Variants in NBEA observed in about 807,000 individuals in gnomAD.
NBEA encodes lysosomal-trafficking regulator 2.
Under a neutral mutation model 343.4 loss-of-function variants are expected in NBEA, and 44 were observed. That is an observed-to-expected ratio of 0.13 (90% CI 0.10 to 0.16). NBEA has a LOEUF of 0.16. Among genes scored for constraint, NBEA ranks in the 10% least tolerant of loss-of-function variants. The probability of loss-of-function intolerance (pLI) is 1.00; values close to 1 mark genes in which losing one functional copy is unlikely to be tolerated. For synonymous variants in NBEA, 1,175 were observed against 1,238.7 expected (o/e 0.95, Z 1.08); for missense variants, 2,555 against 3,631.3 (o/e 0.70, Z 7.62).
At chr13:35,032,887 A>G (rs1477442314) in intron 1 of NBEA, among the ~76,000 whole-genome samples, 1 of 151,610 alleles carries the variant, frequency 6.6e-6, no homozygotes, top group African/African-American at 2.4e-5. Flanking sequence ...TGAGCTCCAT[A>G]TGTATTCTGG....
chr13:35,165,097 C>G, intron 24 of NBEA: 1 of 534,046 alleles, frequency 1.9e-6, no homozygotes, highest in Non-Finnish European at 3.9e-6. Context: ...TACCCACGTT[C>G]TTGTTGCCGT....
At position 35,386,444 on chromosome 13, in the gene NBEA, TGTTA is replaced by T. The variant is rs1299755863; in HGVS notation, c.6179+34126_6179+34129del. Among the ~76,000 whole-genome samples, 4 of 152,170 alleles carry T rather than the reference TGTTA, an allele frequency of 2.6e-5. No homozygotes were observed. In the East Asian group the frequency reaches 7.7e-4, roughly 29 times the overall value. On this transcript the variant is annotated intron_variant, in intron 38 of 58. Transcript: ENST00000379939. ...ATTAATGCTTAATGCCACTTTTAGC[TGTTA>T]GTTAACAAATGGAGGTACTTTGTAT...
intron 39 of NBEA, among the ~76,000 whole-genome samples, chr13:35,442,023 C>T (rs2045766355): frequency 1.3e-5 from 2 of 152,042 alleles, no homozygotes; most frequent in Non-Finnish European, 2.9e-5. Flanking sequence ...AGGTTCCTTT[C>T]CTTTGTGCCT....
chr13:35,063,843 C>T (rs1295459989), intron 8 of NBEA, among the ~76,000 whole-genome samples: 1 of 151,840 alleles, frequency 6.6e-6, no homozygotes, highest in African/African-American at 2.4e-5. Flanking sequence ...TTTGGATATA[C>T]TTTGGAGGTA....
chr13:35,478,074 G>A (rs565318953), intron 41 of NBEA, among the ~76,000 whole-genome samples: 1 of 152,242 alleles, frequency 6.6e-6, no homozygotes, highest in East Asian at 1.9e-4. Flanking sequence ...CCGGTAACAT[G>A]TTTGTAGACA....
intron 47 of NBEA, among the ~76,000 whole-genome samples, chr13:35,604,701 A>G (rs1188465367): frequency 6.6e-6 from 1 of 152,054 alleles, no homozygotes; most frequent in Admixed American, 6.6e-5. Flanking sequence ...CTGGCCTCAT[A>G]TACCTCCCAC....
chr13:35,228,601 T>A (rs906926622), intron 33 of NBEA, among the ~76,000 whole-genome samples: 8 of 152,082 alleles, frequency 5.3e-5, no homozygotes, highest in Non-Finnish European at 1.2e-4. Flanking sequence ...TCCATGTGTA[T>A]ACATCATTTA....
chr13:35,444,231 G>T (rs1292672822), intron 39 of NBEA, among the ~76,000 whole-genome samples: 4 of 151,826 alleles, frequency 2.6e-5, no homozygotes, highest in East Asian at 1.9e-4. Flanking sequence ...GCACAAGATT[G>T]TGTCATCATA....
Position 35,348,975 on chromosome 13 carries a change from A to T in NBEA, c.5904-133A>T, listed in dbSNP as rs530366125. ...TCACATTTTACTGAATCATAATTTA[A>T]AATATATTAATTTTATATCTAGCTT... On this transcript the variant is annotated intron_variant, in intron 36 of 58. Coordinates refer to ENST00000379939, the MANE Select transcript of NBEA (RefSeq NM_001385012.1). The T allele has an allele frequency of 7.7e-6, 3 of 391,138 alleles. No homozygotes were observed. The East Asian group carries it at 1.1e-4, about 15-fold the overall frequency. The allele number at this position is 391,138 out of a possible 1,614,324, so 24.2% of individuals were successfully genotyped here. A position where few individuals can be genotyped will look rare whatever the true frequency, so the allele number is the denominator to read the frequency against.
At chr13:35,236,406 TTTTTGTTTTGTTTTG>T (rs147528572) in intron 34 of NBEA, among the ~76,000 whole-genome samples, 12,819 of 147,104 alleles carry the variant, frequency 0.087, 576 homozygotes, top group South Asian at 0.15. Context: ...CATTTAATCC[TTTTTGTTTTGTTTTG>T]TTTTGTTTTG....
intron 51 of NBEA, among the ~76,000 whole-genome samples, chr13:35,646,604 C>T (rs1465248777): frequency 6.6e-6 from 1 of 152,176 alleles, no homozygotes; most frequent in Non-Finnish European, 1.5e-5. Flanking sequence ...TCTACATAAA[C>T]TCATTCATGC....
intron 10 of NBEA, among the ~76,000 whole-genome samples, chr13:35,082,252 A>G (rs2064451182): frequency 6.6e-6 from 1 of 151,952 alleles, no homozygotes; most frequent in East Asian, 1.9e-4. Context: ...TGAACTCATT[A>G]TTTTTTATGG....
chr13:35,079,598 A>C (rs1430423169), intron 10 of NBEA, among the ~76,000 whole-genome samples: 1 of 152,206 alleles, frequency 6.6e-6, no homozygotes, highest in Non-Finnish European at 1.5e-5. Flanking sequence ...GTATACCACT[A>C]ATAAAAGTGT....
At chr13:35,087,950 G>C (rs75879031) in intron 10 of NBEA, among the ~76,000 whole-genome samples, 3,312 of 151,972 alleles carry the variant, frequency 0.022, 117 homozygotes, top group African/African-American at 0.072. Flanking sequence ...CTGGAGTTTG[G>C]AGTAAAGGGG....
chr13:35,477,496 T>TA (rs1194598756), intron 41 of NBEA, among the ~76,000 whole-genome samples: 1 of 152,178 alleles, frequency 6.6e-6, no homozygotes, highest in Non-Finnish European at 1.5e-5. Flanking sequence ...ATTTGAAAAA[T>TA]AAATTGTCTG....
intron 40 of NBEA, among the ~76,000 whole-genome samples, chr13:35,465,668 C>G (rs2075358515): frequency 6.6e-6 from 1 of 152,130 alleles, no homozygotes; most frequent in East Asian, 1.9e-4. Flanking sequence ...AATCAAAAGG[C>G]AGAGCAAATT....
intron 34 of NBEA, among the ~76,000 whole-genome samples, chr13:35,256,347 T>A (rs1157985007): frequency 6.6e-6 from 1 of 152,024 alleles, no homozygotes; most frequent in Non-Finnish European, 1.5e-5. Context: ...GGTTCTGGGG[T>A]CTTTATGGGC....
chr13:35,476,678 G>A, intron 41 of NBEA: 1 of 825,764 alleles, frequency 1.2e-6, no homozygotes, highest in Non-Finnish European at 1.6e-6. Flanking sequence ...AGAAGCTGCT[G>A]TTGGTTTGTC....
At chr13:35,600,901 G>A (rs772122042) in intron 47 of NBEA, among the ~76,000 whole-genome samples, 14 of 152,110 alleles carry the variant, frequency 9.2e-5, no homozygotes, top group Non-Finnish European at 1.6e-4. Flanking sequence ...TTTGAGCCGC[G>A]TACGGTGGTT....
Sources: gnomAD v4.1 joint callset for allele counts (sites outside exome capture counted in the v4.1 genomes callset) on GRCh38, gnomAD v4.1.1 for gene constraint, MANE v1.5 for transcripts, NCBI Gene and HGNC (gene_info 2026-07-23, HGNC 2026-07-21) for gene names.